BACH2: variants seen among roughly 807,000 people sequenced by gnomAD.
The protein encoded by BACH2 is transcription regulator protein BACH2.
A neutral mutation model predicts 61.8 loss-of-function variants in BACH2; 5 were observed. The ratio of observed to expected loss-of-function variants is 0.08; its 90% CI spans 0.04 to 0.17. BACH2 has a LOEUF of 0.17. Among genes scored for constraint, BACH2 ranks in the 10% least tolerant of loss-of-function variants. The probability of loss-of-function intolerance (pLI) is 1.00; values close to 1 mark genes in which losing one functional copy is unlikely to be tolerated. For synonymous variants in BACH2, 446 were observed against 440.1 expected (o/e 1.01, Z -0.17); for missense variants, 824 against 1,091.1 (o/e 0.76, Z 3.45).
At chr6:90,229,186 C>T (rs746604963) in intron 3 of BACH2, among the ~76,000 whole-genome samples, 18 of 152,158 alleles carry the variant, frequency 1.2e-4, no homozygotes, top group Non-Finnish European at 1.6e-4. Flanking sequence ...AGAGGCTGGG[C>T]GGTGGCTCAC....
intron 5 of BACH2, among the ~76,000 whole-genome samples, chr6:90,022,768 T>C (rs1352361769): frequency 2.0e-5 from 3 of 152,232 alleles, no homozygotes; most frequent in Non-Finnish European, 4.4e-5. Flanking sequence ...CAATATCAAG[T>C]GCATTGATGG....
chr6:90,123,627 G>A (rs1016982679), intron 4 of BACH2, among the ~76,000 whole-genome samples: 27 of 151,440 alleles, frequency 1.8e-4, no homozygotes, highest in South Asian at 1.7e-3. Context: ...AAAATTAGCC[G>A]GGCGTAGTGG....
chr6:90,210,468 A>T (rs1038673043), intron 3 of BACH2, among the ~76,000 whole-genome samples: 1 of 152,142 alleles, frequency 6.6e-6, no homozygotes, highest in Non-Finnish European at 1.5e-5. Context: ...GCCTTGTTCT[A>T]TCAAGTACTT....
intron 6 of BACH2, among the ~76,000 whole-genome samples, chr6:90,007,287 G>C (rs1449619457): frequency 6.6e-6 from 1 of 151,922 alleles, no homozygotes; most frequent in African/African-American, 2.4e-5. Flanking sequence ...TGTTGGGCAG[G>C]CTGGCCTCAA....
chr6:89,997,430 C>A (rs1449450871), intron 6 of BACH2, among the ~76,000 whole-genome samples: 1 of 152,224 alleles, frequency 6.6e-6, no homozygotes, highest in Non-Finnish European at 1.5e-5. Flanking sequence ...CATTTTTAAT[C>A]TTTCCACCTT....
At position 89,951,599 on chromosome 6, in the gene BACH2, C is replaced by T. The variant is rs769500624; in HGVS notation, c.507G>A (p.Glu169=). 1.2e-6 allele frequency: 2 copies of T among 1,614,178 alleles called. No individual in the cohort carries two copies. The highest frequency in any genetic ancestry group is 2.2e-5 in the South Asian group (2 of 91,088). ...SAGEEEDEEE[E]TMDSETAKMA... ...TCTTGGCCGTCTCTGAATCCATCGT[C>T]TCCTCCTCTTCATCCTCCTCCTCTC... Residue 169 remains glutamate, a synonymous_variant, in exon 7 of 9, where the codon GAG becomes GAA. Transcript: ENST00000257749. The surrounding 1 kb of genome is among the most constrained non-coding windows in gnomAD (Gnocchi z 6.4).
At chr6:90,047,054 C>G (rs1243975133) in intron 5 of BACH2, among the ~76,000 whole-genome samples, 1 of 152,186 alleles carries the variant, frequency 6.6e-6, no homozygotes, top group African/African-American at 2.4e-5. Context: ...CCTCAGCCTC[C>G]TGAGTAGCTG....
At chr6:90,165,175 A>C (rs1272600669) in intron 4 of BACH2, among the ~76,000 whole-genome samples, 1 of 152,236 alleles carries the variant, frequency 6.6e-6, no homozygotes, top group African/African-American at 2.4e-5. Flanking sequence ...CCATCATCTC[A>C]GCACAAAATC....
intron 1 of BACH2, among the ~76,000 whole-genome samples, chr6:90,278,337 C>A (rs894297856): frequency 6.6e-6 from 1 of 152,274 alleles, no homozygotes; most frequent in African/African-American, 2.4e-5. Flanking sequence ...AAATTCTACC[C>A]ACTCGTCAGT....
chr6:90,253,080 C>A (rs545057978), intron 2 of BACH2, among the ~76,000 whole-genome samples: 7 of 152,148 alleles, frequency 4.6e-5, no homozygotes, highest in Non-Finnish European at 4.4e-5. Flanking sequence ...CTCGTCTCTA[C>A]AAGACATACA....
chr6:90,200,119 A>C (rs1369661086), intron 4 of BACH2, among the ~76,000 whole-genome samples: 1 of 152,236 alleles, frequency 6.6e-6, no homozygotes, highest in Non-Finnish European at 1.5e-5. Flanking sequence ...ATGTCATTGC[A>C]TGTCACAGTC....
At chr6:89,937,335 A>G (rs1364187668) in intron 8 of BACH2, among the ~76,000 whole-genome samples, 2 of 152,144 alleles carry the variant, frequency 1.3e-5, no homozygotes, top group Non-Finnish European at 2.9e-5. Flanking sequence ...ACGATTTGGA[A>G]TCAGACACCT....
intron 4 of BACH2, among the ~76,000 whole-genome samples, chr6:90,102,839 T>TAATAAAA (rs751278080): frequency 2.5e-5 from 3 of 122,220 alleles, no homozygotes; most frequent in South Asian, 5.9e-4. Context: ...ATAATAATAA[T>TAATAAAA]AAAAATAAAA....
At chr6:90,110,802 G>A (rs1452616253) in intron 4 of BACH2, among the ~76,000 whole-genome samples, 4 of 152,106 alleles carry the variant, frequency 2.6e-5, no homozygotes, top group Non-Finnish European at 4.4e-5. Context: ...TTCAGCTTGC[G>A]ACTCAAACAA....
intron 6 of BACH2, among the ~76,000 whole-genome samples, chr6:89,980,941 C>T (rs1775917491): frequency 1.3e-5 from 2 of 149,580 alleles, no homozygotes; most frequent in Non-Finnish European, 1.5e-5. Context: ...TTAGAATGTT[C>T]TTCTTCCTTG....
chr6:90,254,560 G>A (rs1770916906), intron 2 of BACH2, among the ~76,000 whole-genome samples: 1 of 151,640 alleles, frequency 6.6e-6, no homozygotes, highest in Admixed American at 6.6e-5. Context: ...CAATATGTTT[G>A]GCTTTAAGAA....
chr6:90,025,080 AT>A (rs1778565848), intron 5 of BACH2, among the ~76,000 whole-genome samples: 1 of 152,214 alleles, frequency 6.6e-6, no homozygotes, highest in Non-Finnish European at 1.5e-5. Flanking sequence ...AGCATGGTGC[AT>A]AAACTGTCAT....
At chr6:89,967,407 A>G (rs6911941) in intron 6 of BACH2, among the ~76,000 whole-genome samples, 67,653 of 152,062 alleles carry the variant, frequency 0.44, 15,627 homozygotes, top group African/African-American at 0.48. Context: ...GTGAGTTAAA[A>G]CACCTACAGC....
At chr6:89,934,161 A>C (rs1772863988) in intron 8 of BACH2, among the ~76,000 whole-genome samples, 1 of 152,208 alleles carries the variant, frequency 6.6e-6, no homozygotes, top group African/African-American at 2.4e-5. Context: ...GGAAAAGTGC[A>C]GTCTGGAGCA....
Sources: gnomAD v4.1 joint callset for allele counts (sites outside exome capture counted in the v4.1 genomes callset) on GRCh38, gnomAD v4.1.1 for gene constraint, Gnocchi (gnomAD v3.1) non-coding constraint, MANE v1.5 for transcripts, NCBI Gene and HGNC (gene_info 2026-07-23, HGNC 2026-07-21) for gene names.